The following YAP1 variants were observed in gnomAD, a reference collection of about 807,000 sequenced individuals.
YAP1 encodes the protein transcriptional coactivator YAP1.
In YAP1, 5 loss-of-function variants were observed where a neutral mutation model predicts 56.9. That is an observed-to-expected ratio of 0.09 (90% confidence interval 0.05 to 0.18). The LOEUF (loss-of-function observed/expected upper bound fraction) is 0.18. YAP1 is among the 10% of genes least tolerant of loss of function. YAP1 has a pLI of 1.00. For synonymous variants in YAP1, 265 were observed against 248.1 expected, an observed-to-expected ratio of 1.07 and a Z score of -0.64; for missense variants, 539 against 651.8, an observed-to-expected ratio of 0.83 and a Z score of 1.88.
At chr11:102,186,315 C>A in intron 4 of YAP1, 184 bp downstream of exon 4, 1 of 656,480 alleles carries the variant, frequency 1.5e-6, no homozygotes, top group Non-Finnish European at 2.4e-6. Flanking sequence ...AAATTTAGAT[C>A]TGAATCAGAT....
intron 2 of YAP1, among the ~76,000 whole-genome samples, chr11:102,134,539 A>G (rs916403858): frequency 2.0e-5 from 3 of 149,194 alleles, no homozygotes; most frequent in African/African-American, 7.3e-5. Flanking sequence ...TTAAGAATGC[A>G]TAAAACACAC....
intron 4 of YAP1, among the ~76,000 whole-genome samples, chr11:102,191,814 G>A (rs1181727031): frequency 6.6e-6 from 1 of 152,094 alleles, no homozygotes; most frequent in African/African-American, 2.4e-5. Flanking sequence ...GGGACTACAG[G>A]CATGTGCCAC....
intron 2 of YAP1, among the ~76,000 whole-genome samples, chr11:102,156,157 TC>T (rs1283006483): frequency 6.6e-6 from 1 of 152,220 alleles, no homozygotes; most frequent in Non-Finnish European, 1.5e-5. Context: ...ATGTAGTAGT[TC>T]CATTTAAAAT....
chr11:102,153,796 C>T (rs952735058), intron 2 of YAP1, among the ~76,000 whole-genome samples: 6 of 151,856 alleles, frequency 4.0e-5, no homozygotes, highest in African/African-American at 1.5e-4. Flanking sequence ...AGGCAATTGA[C>T]ATCTGACATC....
At chr11:102,118,535 C>T (rs1396649577) in intron 2 of YAP1, among the ~76,000 whole-genome samples, 1 of 144,214 alleles carries the variant, frequency 6.9e-6, no homozygotes, top group Non-Finnish European at 1.5e-5. Context: ...ACGATCTCAA[C>T]TCACTGCAAC....
chr11:102,176,613 G>C (rs931944747), intron 3 of YAP1, among the ~76,000 whole-genome samples: 2 of 151,674 alleles, frequency 1.3e-5, no homozygotes. Context: ...GGGTGTGGTG[G>C]TGCACCCCTG....
intron 6 of YAP1, among the ~76,000 whole-genome samples, chr11:102,218,804 A>G (rs764110941): frequency 9.9e-5 from 15 of 152,190 alleles, no homozygotes; most frequent in Non-Finnish European, 1.5e-4. Flanking sequence ...ATAAATCTGC[A>G]TAGTTGGTTC....
At chr11:102,176,058 A>G (rs1565231708) in intron 3 of YAP1, among the ~76,000 whole-genome samples, 1 of 152,226 alleles carries the variant, frequency 6.6e-6, no homozygotes, top group Non-Finnish European at 1.5e-5. Context: ...GTAAAAAAAA[A>G]CTGAAGAAGA....
chr11:102,230,030 G>T lies in YAP1; in HGVS notation c.*90G>T. The T allele has an allele frequency of 1.8e-6, 2 of 1,109,354 alleles. No individual in the cohort carries two copies. Among genetic ancestry groups the T allele is most frequent in the Non-Finnish European group, 2.7e-6 (2 of 754,102 alleles). 68.7% of individuals were successfully genotyped at this position (1,109,354 alleles called of 1,614,324 possible). On this transcript the variant is annotated 3_prime_UTR_variant, in exon 9 of 9. Transcript: ENST00000282441. ...TCCATAAGCCAGTTGCAGTTTTCAG[G>T]CTAATACAGAAAAAGATGAACAAAC...
rs72128238 is a variant in YAP1, at chr11:102,133,170, TAAACAAAC to T, written c.572+18787_572+18794del. Among the ~76,000 whole-genome samples, 53 of 151,778 alleles carry T rather than the reference TAAACAAAC, an allele frequency of 3.5e-4. No individual in the cohort carries two copies. The East Asian group carries it at 4.5e-3, about 13-fold the overall frequency. ...AGACTCCGTCTCAAAAATAAATAAATAAACAAACAAACAAACAATTTGGTTTAAAAAAT... is the reference window on the plus strand; with the variant it reads ...AGACTCCGTCTCAAAAATAAATAAATAAACAAACAATTTGGTTTAAAAAAT... On this transcript the variant is annotated intron_variant, in intron 2 of 8. Transcript: ENST00000282441.
Position 102,233,139 on chromosome 11 carries a change from C to A in YAP1, c.*3199C>A, listed in dbSNP as rs752562900. On this transcript the variant is annotated 3_prime_UTR_variant, in exon 9 of 9. Coordinates refer to ENST00000282441, the MANE Select transcript of YAP1 (RefSeq NM_001130145.3). ...AGTGCTCAGGTGGATTTTATCCTCG[C>A]AAGCATGTTGTTATAAGAATTGTGG... 4 of 152,160 alleles carry A rather than the reference C, an allele frequency of 2.6e-5. No individual in the cohort carries two copies. Among genetic ancestry groups the A allele is most frequent in the Admixed American group, 6.5e-5 (1 of 15,274 alleles). 9.4% of individuals were successfully genotyped at this position (152,160 alleles called of 1,614,324 possible).
At chr11:102,227,606 T>G in intron 8 of YAP1, 25 bp downstream of exon 8, 2 of 1,477,490 alleles carry the variant, frequency 1.4e-6, no homozygotes, top group Non-Finnish European at 1.9e-6. Context: ...TTCCTCTTAG[T>G]AACCTGACTT....
intron 2 of YAP1, among the ~76,000 whole-genome samples, chr11:102,152,602 G>A (rs1474431171): frequency 6.6e-6 from 1 of 152,156 alleles, no homozygotes; most frequent in Admixed American, 6.5e-5. Context: ...TTCTGACATT[G>A]TATTCTTCTG....
chr11:102,205,653 TATTG>T (rs895995963), intron 4 of YAP1, among the ~76,000 whole-genome samples: 38 of 152,222 alleles, frequency 2.5e-4, no homozygotes, highest in African/African-American at 7.0e-4. Flanking sequence ...AACTGTTCCT[TATTG>T]CATGTTAAAA....
At chr11:102,141,347 C>G (rs1945012008) in intron 2 of YAP1, among the ~76,000 whole-genome samples, 1 of 152,136 alleles carries the variant, frequency 6.6e-6, no homozygotes, top group Admixed American at 6.5e-5. Context: ...TTATTTTTAC[C>G]TGTTTTGGTG....
At chr11:102,119,973 T>C (rs1321383984) in intron 2 of YAP1, among the ~76,000 whole-genome samples, 1 of 152,238 alleles carries the variant, frequency 6.6e-6, no homozygotes, top group Non-Finnish European at 1.5e-5. Flanking sequence ...TTGAAAGTTT[T>C]TAATAATAGC....
chr11:102,162,915 C>T (rs1421250647), intron 3 of YAP1, among the ~76,000 whole-genome samples: 1 of 151,112 alleles, frequency 6.6e-6, no homozygotes, highest in Non-Finnish European at 1.5e-5. Context: ...AATTTACCCT[C>T]TTCCCTTTGT....
chr11:102,111,305 C>A, intron 1 of YAP1, 136 bp downstream of exon 1: 1 of 937,658 alleles, frequency 1.1e-6, no homozygotes, highest in Non-Finnish European at 1.5e-6. Context: ...GGTCCCGAGG[C>A]GAAGTGGAAC....
chr11:102,119,571 T>A (rs1424226869), intron 2 of YAP1, among the ~76,000 whole-genome samples: 2 of 151,802 alleles, frequency 1.3e-5, no homozygotes, highest in Non-Finnish European at 2.9e-5. Context: ...AAATACCCTT[T>A]CCTAAAGCTT....
Sources: allele counts gnomAD v4.1 joint callset (sites outside exome capture counted in the v4.1 genomes callset), GRCh38; gene constraint gnomAD v4.1.1; transcripts MANE v1.5; gene names NCBI Gene and HGNC (gene_info 2026-07-23, HGNC 2026-07-21).